The following SLC4A10 variants were observed in gnomAD, a reference collection of about 807,000 sequenced individuals.
The protein encoded by SLC4A10 is solute carrier family 4 member 10.
SLC4A10 carries 42 observed loss-of-function variants against 137.7 expected under a neutral mutation model. That is an observed-to-expected ratio of 0.30 (90% CI 0.24 to 0.39). The LOEUF (loss-of-function observed/expected upper bound fraction) is 0.39, where lower values mean the gene tolerates loss of function less well. Ranked by LOEUF, SLC4A10 falls within the 10% of genes least tolerant of loss-of-function variation. SLC4A10 has a pLI of 1.00. For synonymous variants in SLC4A10, 474 were observed against 464.1 expected (o/e 1.02, Z -0.27); for missense variants, 925 against 1,355.0 (o/e 0.68, Z 4.98).
intron 22 of SLC4A10, among the ~76,000 whole-genome samples, chr2:161,964,612 G>A (rs1575883042): frequency 6.6e-6 from 1 of 151,934 alleles, no homozygotes; most frequent in Non-Finnish European, 1.5e-5. Context: ...TGAAAAATTA[G>A]GATTTTTAAA....
chr2:161,829,896 T>C (rs940457649), intron 3 of SLC4A10, among the ~76,000 whole-genome samples: 3 of 152,002 alleles, frequency 2.0e-5, no homozygotes, highest in Non-Finnish European at 2.9e-5. Flanking sequence ...TTTCCCCTTA[T>C]AAAACCATCA....
intron 15 of SLC4A10, among the ~76,000 whole-genome samples, chr2:161,941,197 G>T (rs1025156768): frequency 3.3e-5 from 5 of 152,032 alleles, no homozygotes; most frequent in African/African-American, 1.2e-4. Flanking sequence ...TTCACCAGAG[G>T]CTCAAAATCA....
intron 4 of SLC4A10, among the ~76,000 whole-genome samples, chr2:161,849,370 T>C (rs2059693835): frequency 6.6e-6 from 1 of 152,182 alleles, no homozygotes; most frequent in South Asian, 2.1e-4. Context: ...ACTTCCTCTT[T>C]CTCTATCTGG....
At chr2:161,869,807 G>A (rs912425552) in intron 6 of SLC4A10, among the ~76,000 whole-genome samples, 1 of 151,410 alleles carries the variant, frequency 6.6e-6, no homozygotes, top group African/African-American at 2.4e-5. Flanking sequence ...GAATATTAAC[G>A]CCTATCATTT....
At chr2:161,856,154 T>G (rs1003198218) in intron 5 of SLC4A10, among the ~76,000 whole-genome samples, 4 of 152,096 alleles carry the variant, frequency 2.6e-5, no homozygotes, top group Non-Finnish European at 5.9e-5. Flanking sequence ...CTAGTGTTTT[T>G]TCTATTACAC....
chr2:161,744,449 T>A (rs2048213587), intron 1 of SLC4A10, among the ~76,000 whole-genome samples: 1 of 152,198 alleles, frequency 6.6e-6, no homozygotes, highest in Admixed American at 6.5e-5. Flanking sequence ...AATTTGCATT[T>A]GTTGAACTAT....
intron 15 of SLC4A10, among the ~76,000 whole-genome samples, chr2:161,940,181 TTCC>T (rs913971757): frequency 2.2e-4 from 34 of 152,128 alleles, no homozygotes; most frequent in African/African-American, 7.2e-4. Context: ...CCCACTTCCC[TTCC>T]TCTCCTCCCA....
chr2:161,932,700 A>T (rs1690628764), intron 15 of SLC4A10, among the ~76,000 whole-genome samples: 1 of 152,150 alleles, frequency 6.6e-6, no homozygotes, highest in Non-Finnish European at 1.5e-5. Context: ...CCTCCTACTT[A>T]TCTTTGGAAA....
intron 3 of SLC4A10, among the ~76,000 whole-genome samples, chr2:161,833,012 T>A (rs2058537771): frequency 6.6e-6 from 1 of 152,234 alleles, no homozygotes; most frequent in Admixed American, 6.5e-5. Flanking sequence ...AGTGCAGTGT[T>A]GGGATTACAG....
rs115354387 is a variant in SLC4A10, at chr2:161,730,397, C to T, written c.49-40576C>T. Among the ~76,000 whole-genome samples the T allele has an allele frequency of 9.0e-3, 1,369 of 152,266 alleles. 19 individuals carry two copies. The highest frequency in any genetic ancestry group is 0.031 in the African/African-American group (1,299 of 41,546). Reference sequence around the variant, plus strand: ...TCATTTGTCCATTCATTTGTTCACTCATAAAACAATCTATTATCTGTCTAT... The same window carrying T: ...TCATTTGTCCATTCATTTGTTCACTTATAAAACAATCTATTATCTGTCTAT... On this transcript the variant is annotated intron_variant, in intron 1 of 26. Coordinates refer to ENST00000446997, the MANE Select transcript of SLC4A10 (RefSeq NM_001178015.2).
At chr2:161,699,144 G>T (rs949309594) in intron 1 of SLC4A10, among the ~76,000 whole-genome samples, 3 of 152,000 alleles carry the variant, frequency 2.0e-5, no homozygotes, top group Admixed American at 6.5e-5. Flanking sequence ...CTCAGCTTCA[G>T]GAGTAGCTGG....
Position 161,949,281 on chromosome 2 carries a change from C to T in SLC4A10, c.2379+20C>T, listed in dbSNP as rs1183790204. ...TTCAAGGTACTTACTATCTCTCTCC[C>T]TCTTCCCATCTCTCTCGGTCTAATC... On this transcript the variant is annotated intron_variant, in intron 18 of 26. Coordinates refer to ENST00000446997, the MANE Select transcript of SLC4A10 (RefSeq NM_001178015.2). The T allele has an allele frequency of 7.0e-7, 1 of 1,438,510 alleles. No homozygotes were observed. Among genetic ancestry groups the T allele is most frequent in the Non-Finnish European group, 9.8e-7 (1 of 1,021,874 alleles). 89.1% of individuals were successfully genotyped at this position (1,438,510 alleles called of 1,614,324 possible). A position where few individuals can be genotyped will look rare whatever the true frequency, so the allele number is the denominator to read the frequency against.
rs535052994 is a variant in SLC4A10 at position 161,808,081 on chromosome 2, A to T, written c.277+3486A>T. Among the ~76,000 whole-genome samples the T allele has an allele frequency of 1.6e-4, 25 of 152,156 alleles. No individual in the cohort carries two copies. In the South Asian group the frequency reaches 5.2e-3, roughly 32 times the overall value. On this transcript the variant is annotated intron_variant, in intron 3 of 26. Transcript: ENST00000446997. ...TTTGGTATTTAGTTTTACATTTATT[A>T]TGATATTTTCAGACACACATATATG...
intron 1 of SLC4A10, among the ~76,000 whole-genome samples, chr2:161,643,943 G>A (rs2035650172): frequency 6.6e-6 from 1 of 152,092 alleles, no homozygotes; most frequent in Non-Finnish European, 1.5e-5. Context: ...CAAATAAGAG[G>A]ATTTAGGATG....
At chr2:161,659,977 T>C (rs969530028) in intron 1 of SLC4A10, among the ~76,000 whole-genome samples, 1 of 151,020 alleles carries the variant, frequency 6.6e-6, no homozygotes, top group Non-Finnish European at 1.5e-5. Flanking sequence ...AGAAGTAGAT[T>C]AGTGGTTGCC....
chr2:161,658,662 C>T (rs1430049798), intron 1 of SLC4A10, among the ~76,000 whole-genome samples: 1 of 144,972 alleles, frequency 6.9e-6, no homozygotes, highest in Non-Finnish European at 1.5e-5. Context: ...GGTACAATCT[C>T]GGCTCACTGC....
chr2:161,729,532 T>A (rs2046612350), intron 1 of SLC4A10, among the ~76,000 whole-genome samples: 1 of 152,054 alleles, frequency 6.6e-6, no homozygotes, highest in Non-Finnish European at 1.5e-5. Flanking sequence ...AAAAAAATTG[T>A]AGGAGAAGAT....
At chr2:161,910,899 A>C (rs781434811) in intron 15 of SLC4A10, among the ~76,000 whole-genome samples, 6 of 151,990 alleles carry the variant, frequency 3.9e-5, no homozygotes, top group Admixed American at 2.0e-4. Context: ...TTTAACAATG[A>C]GAATTTCATT....
chr2:161,970,492 C>G (rs2105946253), intron 23 of SLC4A10, among the ~76,000 whole-genome samples: 1 of 152,246 alleles, frequency 6.6e-6, no homozygotes, highest in South Asian at 2.1e-4. Flanking sequence ...CTTTGTTTTA[C>G]TCTTGGGCAA....
Sources: gnomAD v4.1 joint callset for allele counts (sites outside exome capture counted in the v4.1 genomes callset) on GRCh38, gnomAD v4.1.1 for gene constraint, MANE v1.5 for transcripts, NCBI Gene and HGNC (gene_info 2026-07-23, HGNC 2026-07-21) for gene names.